The following SNTB2 variants were observed in gnomAD, a reference collection of about 807,000 sequenced individuals.
SNTB2 encodes the protein syntrophin beta 2, also known as beta-2-syntrophin.
A neutral mutation model predicts 46.2 loss-of-function variants in SNTB2; 34 were observed. The ratio of observed to expected loss-of-function variants is 0.74; its 90% CI spans 0.56 to 0.98. SNTB2 has a LOEUF of 0.98. Among genes scored for constraint, SNTB2 ranks in the 50% least tolerant of loss-of-function variants. The pLI, the probability that SNTB2 is intolerant of heterozygous loss-of-function variation, is 0.00. For missense variants in SNTB2, 603 were observed against 731.4 expected, an observed-to-expected ratio of 0.82 and a Z score of 2.02; for synonymous variants, 290 against 312.6, an observed-to-expected ratio of 0.93 and a Z score of 0.76.
At chr16:69,196,167 A>C (rs1454186345) in intron 1 of SNTB2, among the ~76,000 whole-genome samples, 4 of 152,026 alleles carry the variant, frequency 2.6e-5, no homozygotes, top group Non-Finnish European at 5.9e-5. Flanking sequence ...TGAGCTCGGG[A>C]GATTGAGGCT....
At chr16:69,288,490 T>C (rs1965127753) in intron 5 of SNTB2, among the ~76,000 whole-genome samples, 1 of 152,228 alleles carries the variant, frequency 6.6e-6, no homozygotes, top group African/African-American at 2.4e-5. Context: ...TATTTTAATA[T>C]TACCTTGGTA....
At position 69,187,543 on chromosome 16, in the gene SNTB2, T is replaced by G; in HGVS notation, c.377T>G (p.Leu126Arg). 1 of 1,422,526 alleles carries G rather than the reference T, an allele frequency of 7.0e-7. No individual in the cohort carries two copies. Among genetic ancestry groups the G allele is most frequent in the Admixed American group, 2.6e-5 (1 of 37,954 alleles). 88.1% of individuals were successfully genotyped at this position (1,422,526 alleles called of 1,614,324 possible). Residue 126 changes from leucine to arginine, a missense_variant, in exon 1 of 7, where the codon CTG (leucine) becomes CGG (arginine). Physicochemically the swap from Leu to Arg is moderately radical, Grantham distance 102 (BLOSUM62 -2). Transcript: ENST00000336278. ...GTGGTGAAGCAAGAGGCGGGCGGCCTGGGCATCAGCATCAAGGGCGGCCGC... is the reference window on the plus strand; with the variant it reads ...GTGGTGAAGCAAGAGGCGGGCGGCCGGGGCATCAGCATCAAGGGCGGCCGC... ...VRVVKQEAGG[L>R]GISIKGGREN...
In SNTB2 at chr16:69,301,118, G is replaced by A. The variant is rs1026249131; in HGVS notation, c.*194G>A. 2 of 515,856 alleles carry A rather than the reference G, an allele frequency of 3.9e-6. No individual in the cohort carries two copies. Among genetic ancestry groups the A allele is most frequent in the Non-Finnish European group, 7.0e-6 (2 of 285,214 alleles). 32.0% of individuals were successfully genotyped at this position (515,856 alleles called of 1,614,324 possible). On this transcript the variant is annotated 3_prime_UTR_variant, in exon 7 of 7. Transcript: ENST00000336278. ...CAGTCTACCTTGGCCAGATATTCTA[G>A]CACTCTAAAAGGCTCCAAAATGAAG...
Position 69,303,500 on chromosome 16 carries a change from C to T in SNTB2, c.*2576C>T, listed in dbSNP as rs12708895. The stretch of plus-strand genomic sequence containing the variant: ...AAGGCAAGGCATGTGTGCATTTTCA[C>T]TCATTTTGGTCAAGGTTAAACTGAC... On this transcript the variant is annotated 3_prime_UTR_variant, in exon 7 of 7. Transcript: ENST00000336278. The T allele has an allele frequency of 0.15, 22,301 of 152,612 alleles. 1,824 individuals carry two copies. The highest frequency in any genetic ancestry group is 0.23 in the Middle Eastern group (69 of 294). The allele number at this position is 152,612 out of a possible 1,614,324, so 9.5% of individuals were successfully genotyped here. A position where few individuals can be genotyped will look rare whatever the true frequency, so the allele number is the denominator to read the frequency against.
chr16:69,300,791 A>G (rs556648109), intron 6 of SNTB2, 41 bp from the exon 7 acceptor site: 2 of 1,246,396 alleles, frequency 1.6e-6, no homozygotes, highest in African/African-American at 3.0e-5. Flanking sequence ...TTGTCTGTAT[A>G]TGGTAGTGAG....
intron 1 of SNTB2, among the ~76,000 whole-genome samples, chr16:69,224,274 C>T (rs1304637452): frequency 3.0e-5 from 4 of 134,142 alleles, no homozygotes; most frequent in South Asian, 2.3e-4. Context: ...TGCAGTGGTG[C>T]GATCTTGGCT....
At chr16:69,244,520 A>T (rs1447917908) in intron 1 of SNTB2, among the ~76,000 whole-genome samples, 2 of 152,226 alleles carry the variant, frequency 1.3e-5, no homozygotes, top group Non-Finnish European at 2.9e-5. Flanking sequence ...CACTGTGCCC[A>T]GCCAGTTTGT....
chr16:69,267,779 A>G (rs1964900145), intron 3 of SNTB2, among the ~76,000 whole-genome samples: 1 of 152,180 alleles, frequency 6.6e-6, no homozygotes, highest in African/African-American at 2.4e-5. Context: ...TGCCACTTTC[A>G]GATTATAGAT....
In SNTB2 at chr16:69,292,398, ATATATATATTATATATATAT is replaced by A. The variant is rs1401521071; in HGVS notation, c.1346-7182_1346-7163del. Among the ~76,000 whole-genome samples the A allele has an allele frequency of 3.2e-3, 94 of 29,818 alleles. 21 individuals carry two copies. The highest frequency in any genetic ancestry group is 0.03 in the African/African-American group (86 of 2,878). 19.6% of individuals were successfully genotyped at this position (29,818 alleles called of 152,430 possible). ...TATATATTATATATATATTATATATATATATATATTATATATATATTATATATATATATATATTATATATA... is the reference window on the plus strand; with the variant it reads ...TATATATTATATATATATTATATATATATATATATATATATATTATATATA... On this transcript the variant is annotated intron_variant, in intron 5 of 6. Coordinates refer to ENST00000336278, the MANE Select transcript of SNTB2 (RefSeq NM_006750.4).
intron 1 of SNTB2, among the ~76,000 whole-genome samples, chr16:69,190,711 G>A (rs530856653): frequency 2.8e-4 from 42 of 152,262 alleles, no homozygotes; most frequent in African/African-American, 9.6e-4. Flanking sequence ...ACATTAAAAA[G>A]CTATTCTAGC....
chr16:69,188,079 G>C lies in SNTB2; in HGVS notation c.580+333G>C, dbSNP rs569819328. 2.4e-4 allele frequency among the ~76,000 whole-genome samples: 37 copies of C among 151,986 alleles called. 2 individuals carry two copies. The South Asian group carries it at 6.7e-3, about 27-fold the overall frequency. ...GTGGGTCTGTCTCCGTTTGCCCGCT[G>C]AGAAGTGCCGGGTTGGCGCTTAACT... On this transcript the variant is annotated intron_variant, in intron 1 of 6. Transcript: ENST00000336278.
intron 3 of SNTB2, among the ~76,000 whole-genome samples, chr16:69,269,323 C>G (rs1964915642): frequency 6.6e-6 from 1 of 151,598 alleles, no homozygotes; most frequent in Non-Finnish European, 1.5e-5. Context: ...TCGAGACCAT[C>G]CCGGCCAACA....
At chr16:69,190,906 G>T (rs1964043493) in intron 1 of SNTB2, among the ~76,000 whole-genome samples, 1 of 152,042 alleles carries the variant, frequency 6.6e-6, no homozygotes, top group Admixed American at 6.6e-5. Context: ...TTCACGTGTT[G>T]AGTACTTTTT....
chr16:69,217,763 A>G (rs920389629), intron 1 of SNTB2, among the ~76,000 whole-genome samples: 8 of 152,228 alleles, frequency 5.3e-5, no homozygotes, highest in Non-Finnish European at 1.2e-4. Context: ...ACTTAGAAGA[A>G]GTTTTCTGAT....
chr16:69,255,958 C>G (rs1231200370), intron 2 of SNTB2, among the ~76,000 whole-genome samples: 1 of 151,524 alleles, frequency 6.6e-6, no homozygotes, highest in East Asian at 1.9e-4. Context: ...GAAGCTGAGG[C>G]GGGCGGATCA....
At chr16:69,207,099 G>A (rs1242487444) in intron 1 of SNTB2, among the ~76,000 whole-genome samples, 1 of 150,470 alleles carries the variant, frequency 6.6e-6, no homozygotes, top group Admixed American at 6.6e-5. Context: ...AATATGAAAG[G>A]AATTCTTAGA....
chr16:69,199,921 C>CT (rs973230850), intron 1 of SNTB2, among the ~76,000 whole-genome samples: 67 of 146,862 alleles, frequency 4.6e-4, no homozygotes, highest in South Asian at 8.6e-4. Context: ...AAGACAGAGA[C>CT]TTTTTTTTTT....
At chr16:69,268,418 C>T (rs889541212) in intron 3 of SNTB2, among the ~76,000 whole-genome samples, 5 of 151,394 alleles carry the variant, frequency 3.3e-5, no homozygotes, top group African/African-American at 7.3e-5. Flanking sequence ...GAACCAAGAT[C>T]GTGACATTGC....
At chr16:69,265,611 G>A (rs983753395) in intron 3 of SNTB2, among the ~76,000 whole-genome samples, 3 of 151,578 alleles carry the variant, frequency 2.0e-5, no homozygotes, top group Admixed American at 6.6e-5. Flanking sequence ...GGCGTATCAC[G>A]AGGTCAGGAG....
Sources: gnomAD v4.1 joint callset for allele counts (sites outside exome capture counted in the v4.1 genomes callset) on GRCh38, gnomAD v4.1.1 for gene constraint, MANE v1.5 for transcripts, NCBI Gene and HGNC (gene_info 2026-07-23, HGNC 2026-07-21) for gene names.